PCSK6: variants seen among roughly 807,000 people sequenced by gnomAD.
PCSK6 encodes proprotein convertase subtilisin/kexin type 6.
Under a neutral mutation model 123.3 loss-of-function variants are expected in PCSK6, and 85 were observed. The observed-to-expected ratio is 0.69, with a 90% CI of 0.58 to 0.83. The LOEUF is 0.83. Among genes scored for constraint, PCSK6 ranks in the 40% least tolerant of loss-of-function variants. The pLI, the probability that PCSK6 is intolerant of heterozygous loss-of-function variation, is 0.00. For synonymous variants in PCSK6, 508 were observed against 516.0 expected (o/e 0.98, Z 0.21); for missense variants, 1,191 against 1,282.3 (o/e 0.93, Z 1.09).
intron 1 of PCSK6, among the ~76,000 whole-genome samples, chr15:101,461,752 T>C (rs1053347857): frequency 6.6e-6 from 1 of 152,142 alleles, no homozygotes; most frequent in African/African-American, 2.4e-5. Context: ...GGAAAAGCAT[T>C]AGATAAAATT....
chr15:101,337,934 A>G (rs928604129), intron 13 of PCSK6, among the ~76,000 whole-genome samples: 24 of 152,250 alleles, frequency 1.6e-4, no homozygotes, highest in African/African-American at 5.5e-4. Flanking sequence ...TTTGAAATAC[A>G]TAAATCTGAC....
chr15:101,388,706 AG>A (rs10708259), intron 9 of PCSK6, among the ~76,000 whole-genome samples: 96,922 of 151,850 alleles, frequency 0.64, 31,700 homozygotes, highest in Admixed American at 0.73. Flanking sequence ...CACGCCCATC[AG>A]GATGGCCTAA....
intron 1 of PCSK6, among the ~76,000 whole-genome samples, chr15:101,467,818 C>T (rs909673524): frequency 1.3e-5 from 2 of 152,160 alleles, no homozygotes; most frequent in African/African-American, 4.8e-5. Context: ...CAAAGCTAAG[C>T]AACACGTTGT....
intron 1 of PCSK6, among the ~76,000 whole-genome samples, chr15:101,460,489 G>A (rs2057316982): frequency 6.6e-6 from 1 of 152,216 alleles, no homozygotes; most frequent in Non-Finnish European, 1.5e-5. Context: ...GGGTAGCAGA[G>A]GGTCACCTAG....
intron 2 of PCSK6, among the ~76,000 whole-genome samples, chr15:101,437,642 G>C (rs2056639811): frequency 2.6e-5 from 4 of 152,206 alleles, no homozygotes; most frequent in Admixed American, 2.6e-4. Flanking sequence ...CATGAGAGAG[G>C]GAAGTCCTCG....
intron 11 of PCSK6, among the ~76,000 whole-genome samples, chr15:101,371,390 T>G (rs2041582734): frequency 6.6e-6 from 1 of 152,130 alleles, no homozygotes; most frequent in Non-Finnish European, 1.5e-5. Context: ...CTCACCACAC[T>G]GCAATATGTG....
At chr15:101,342,129 CAA>C (rs35083182) in intron 13 of PCSK6, among the ~76,000 whole-genome samples, 14 of 51,520 alleles carry the variant, frequency 2.7e-4, no homozygotes, top group Admixed American at 8.3e-4. Flanking sequence ...GACCCTGTCT[CAA>C]AAAAAAAAAA....
intron 1 of PCSK6, among the ~76,000 whole-genome samples, chr15:101,458,134 T>C (rs926991757): frequency 6.6e-6 from 1 of 152,306 alleles, no homozygotes; most frequent in African/African-American, 2.4e-5. Flanking sequence ...GTTCTACTCA[T>C]GCTGGGCTAT....
rs747920797 is a variant in PCSK6 at position 101,329,081 on chromosome 15, T to C, written c.2077+2570A>G. Among the ~76,000 whole-genome samples, 9 of 152,320 alleles carry C rather than the reference T, an allele frequency of 5.9e-5. No homozygotes were observed. In the South Asian group the frequency reaches 1.2e-3, roughly 21 times the overall value. On this transcript the variant is annotated intron_variant, in intron 15 of 21. Transcript: ENST00000611716. ...TTCTTGTGTCACTTCCCGTAACTCC[T>C]AGCAGGGGTCTCTTCATACAAGGGG...
At chr15:101,410,416 T>C (rs1167972010) in intron 6 of PCSK6, among the ~76,000 whole-genome samples, 1 of 152,170 alleles carries the variant, frequency 6.6e-6, no homozygotes, top group Non-Finnish European at 1.5e-5. Flanking sequence ...AGGAGAACTA[T>C]GTGCCAGGTC....
chr15:101,375,929 G>C (rs2041725126), intron 11 of PCSK6, among the ~76,000 whole-genome samples: 1 of 152,130 alleles, frequency 6.6e-6, no homozygotes, highest in Non-Finnish European at 1.5e-5. Flanking sequence ...AACTACTCAG[G>C]AGGCTGAGGC....
chr15:101,352,944 T>C (rs1013785633), intron 13 of PCSK6, among the ~76,000 whole-genome samples: 17 of 152,348 alleles, frequency 1.1e-4, no homozygotes, highest in African/African-American at 4.1e-4. Flanking sequence ...TCAAATGTTC[T>C]ACTGCAGTGG....
chr15:101,307,504 T>C lies in PCSK6; in HGVS notation c.2700-179A>G, dbSNP rs948293278. Reference sequence around the variant, plus strand: ...AGGGGCTGAGTGTCTGCATGTCTTTTCTCCTGTCTGACCTCACTATTGCCC... The same window carrying C: ...AGGGGCTGAGTGTCTGCATGTCTTTCCTCCTGTCTGACCTCACTATTGCCC... On this transcript the variant is annotated intron_variant, in intron 20 of 21. Transcript: ENST00000611716. The C allele has an allele frequency of 6.9e-6, 4 of 579,296 alleles. No homozygotes were observed. In the African/African-American group the frequency reaches 7.5e-5, roughly 11 times the overall value. 35.9% of individuals were successfully genotyped at this position (579,296 alleles called of 1,614,324 possible). A position where few individuals can be genotyped will look rare whatever the true frequency, so the allele number is the denominator to read the frequency against.
intron 1 of PCSK6, among the ~76,000 whole-genome samples, chr15:101,450,310 A>G (rs774452591): frequency 6.6e-6 from 1 of 151,792 alleles, no homozygotes; most frequent in Non-Finnish European, 1.5e-5. Context: ...GGCCCTGCCC[A>G]CACTGCCCTC....
intron 16 of PCSK6, 33 bp downstream of exon 16, chr15:101,326,344 T>C: frequency 5.3e-6 from 8 of 1,518,010 alleles, no homozygotes; most frequent in Non-Finnish European, 7.2e-6. Context: ...AGTCACTGAG[T>C]GGTGAGCCAC....
At chr15:101,404,635 A>G (rs1383281917) in intron 6 of PCSK6, among the ~76,000 whole-genome samples, 1 of 152,206 alleles carries the variant, frequency 6.6e-6, no homozygotes, top group African/African-American at 2.4e-5. Context: ...ACCTTGGGCC[A>G]TGGTCTCAAC....
intron 17 of PCSK6, among the ~76,000 whole-genome samples, chr15:101,323,835 C>T (rs550034507): frequency 1.8e-4 from 28 of 152,182 alleles, no homozygotes; most frequent in South Asian, 8.3e-4. Flanking sequence ...CATGACAGGC[C>T]GGATCAATGA....
At chr15:101,389,272 G>A (rs771753003) in intron 9 of PCSK6, among the ~76,000 whole-genome samples, 192 bp downstream of exon 9, 9 of 152,308 alleles carry the variant, frequency 5.9e-5, no homozygotes, top group Middle Eastern at 6.8e-3. Flanking sequence ...GCTGTTTAAC[G>A]GGCAGAGGGT....
Position 101,467,177 on chromosome 15 carries a change from T to C in PCSK6, c.297+22197A>G, listed in dbSNP as rs201455852. ...TGACAAAGGATTCATATGCCGTATA[T>C]GTACACCCAGTAATCCCAATTCTAG... On this transcript the variant is annotated intron_variant, in intron 1 of 21. Coordinates refer to ENST00000611716, the MANE Select transcript of PCSK6 (RefSeq NM_002570.5). Among the ~76,000 whole-genome samples, 7 of 152,254 alleles carry C rather than the reference T, an allele frequency of 4.6e-5. No homozygotes were observed. The East Asian group carries it at 1.2e-3, about 25-fold the overall frequency.
Sources: gnomAD v4.1 joint callset for allele counts (sites outside exome capture counted in the v4.1 genomes callset) on GRCh38, gnomAD v4.1.1 for gene constraint, MANE v1.5 for transcripts, NCBI Gene and HGNC (gene_info 2026-07-23, HGNC 2026-07-21) for gene names.